Variants in ASAP1 observed in about 807,000 individuals in gnomAD.
ASAP1 encodes the protein ArfGAP with SH3 domain, ankyrin repeat and PH domain 1, also known as arf-GAP with SH3 domain, ANK repeat and PH domain-containing protein 1.
Under a neutral mutation model 145.2 loss-of-function variants are expected in ASAP1, and 43 were observed. The ratio of observed to expected loss-of-function variants is 0.30; its 90% CI spans 0.23 to 0.38. ASAP1 has a LOEUF of 0.38. Among genes scored for constraint, ASAP1 ranks in the 10% least tolerant of loss-of-function variants. The pLI, the probability that ASAP1 is intolerant of heterozygous loss-of-function variation, is 1.00. For synonymous variants in ASAP1, 546 were observed against 515.5 expected (o/e 1.06, Z -0.80); for missense variants, 1,018 against 1,355.3 (o/e 0.75, Z 3.91).
chr8:130,387,655 T>C (rs1828083480), intron 2 of ASAP1, among the ~76,000 whole-genome samples: 1 of 126,866 alleles, frequency 7.9e-6, no homozygotes, highest in African/African-American at 3.2e-5. Context: ...AGACTCCATC[T>C]CAGAAAAAAA....
chr8:130,385,186 C>T (rs1296149436), intron 2 of ASAP1, among the ~76,000 whole-genome samples: 1 of 152,192 alleles, frequency 6.6e-6, no homozygotes, highest in Non-Finnish European at 1.5e-5. Flanking sequence ...CCAAGGCAGG[C>T]CGGGTGTGGT....
chr8:130,265,784 G>A (rs900018156), intron 3 of ASAP1, among the ~76,000 whole-genome samples: 1 of 152,080 alleles, frequency 6.6e-6, no homozygotes, highest in Admixed American at 6.6e-5. Context: ...GACTGAGGTG[G>A]GGATATCATC....
At chr8:130,260,362 C>T (rs1261862216) in intron 3 of ASAP1, among the ~76,000 whole-genome samples, 1 of 152,182 alleles carries the variant, frequency 6.6e-6, no homozygotes, top group Non-Finnish European at 1.5e-5. Context: ...GTTCAGCCTC[C>T]ATGCTAACAA....
chr8:130,140,222 T>C (rs1461189535), intron 13 of ASAP1, among the ~76,000 whole-genome samples: 1 of 151,786 alleles, frequency 6.6e-6, no homozygotes, highest in African/African-American at 2.4e-5. Context: ...TTGGTATTTT[T>C]AGTGGAGACA....
At chr8:130,071,730 C>T (rs2097446997) in intron 27 of ASAP1, among the ~76,000 whole-genome samples, 1 of 152,170 alleles carries the variant, frequency 6.6e-6, no homozygotes, top group Middle Eastern at 3.2e-3. Flanking sequence ...ACCACTCCTG[C>T]TTGTGGAACC....
chr8:130,313,092 G>A (rs1364759352), intron 3 of ASAP1, among the ~76,000 whole-genome samples: 1 of 152,190 alleles, frequency 6.6e-6, no homozygotes, highest in Non-Finnish European at 1.5e-5. Flanking sequence ...AGAATCATAA[G>A]TACATTTTCA....
chr8:130,305,659 C>G (rs1822947908), intron 3 of ASAP1, among the ~76,000 whole-genome samples: 1 of 152,188 alleles, frequency 6.6e-6, no homozygotes, highest in Non-Finnish European at 1.5e-5. Flanking sequence ...CAGGCATGAG[C>G]TACCACTCCC....
intron 9 of ASAP1, 182 bp downstream of exon 9, chr8:130,179,082 C>T: frequency 2.2e-6 from 1 of 454,790 alleles, no homozygotes; most frequent in East Asian, 3.6e-5. Flanking sequence ...ATTTGAGCTA[C>T]TGATTTGTAT....
chr8:130,118,698 AT>A, intron 18 of ASAP1, 23 bp from the exon 19 acceptor site: 1 of 1,400,862 alleles, frequency 7.1e-7, no homozygotes, highest in African/African-American at 1.5e-5. Flanking sequence ...AAAATAAAGA[AT>A]TTTTATTTTC....
rs1565243835 is a variant in ASAP1 at position 130,358,290 on chromosome 8, A to C, written c.60-147T>G. ...CTGGCGCGCGGCTCCCGTCCCCGGC[A>C]GCGGCGAGAGGGAGGGAAGGAGGCG... On this transcript the variant is annotated intron_variant, in intron 2 of 29. Coordinates refer to ENST00000518721, the MANE Select transcript of ASAP1 (RefSeq NM_018482.4). The surrounding 1 kb of genome is among the most constrained non-coding windows in gnomAD (Gnocchi z 4.1). The C allele has an allele frequency of 4.1e-6, 2 of 482,882 alleles. No homozygotes were observed. The highest frequency in any genetic ancestry group is 9.7e-5 in the East Asian group (1 of 10,330). The allele number at this position is 482,882 out of a possible 1,614,324, so 29.9% of individuals were successfully genotyped here.
chr8:130,407,561 T>A (rs16904264), intron 1 of ASAP1, among the ~76,000 whole-genome samples: 16,904 of 152,194 alleles, frequency 0.11, 1,096 homozygotes, highest in South Asian at 0.28. Flanking sequence ...CAACCTCTCA[T>A]TTCCCGCTGC....
At chr8:130,088,416 T>C (rs1213622453) in intron 25 of ASAP1, among the ~76,000 whole-genome samples, 2 of 151,984 alleles carry the variant, frequency 1.3e-5, no homozygotes, top group Non-Finnish European at 1.5e-5. Flanking sequence ...AGAAAATTCA[T>C]GTGGGTCCTA....
intron 25 of ASAP1, among the ~76,000 whole-genome samples, chr8:130,082,571 A>G (rs2097483207): frequency 1.3e-5 from 2 of 148,970 alleles, no homozygotes; most frequent in Non-Finnish European, 3.0e-5. Context: ...TGGCATAATC[A>G]TAGCTCACTG....
At chr8:130,355,544 A>C (rs1826255158) in intron 3 of ASAP1, among the ~76,000 whole-genome samples, 1 of 152,212 alleles carries the variant, frequency 6.6e-6, no homozygotes, top group Non-Finnish European at 1.5e-5. Context: ...AAATAACACA[A>C]GCCACATTCT....
intron 12 of ASAP1, among the ~76,000 whole-genome samples, chr8:130,153,653 C>T (rs1008583840): frequency 1.3e-5 from 2 of 151,868 alleles, no homozygotes; most frequent in African/African-American, 4.8e-5. Flanking sequence ...CAGGTGTGAG[C>T]CACTGTGACT....
At chr8:130,337,547 G>A (rs1825111949) in intron 3 of ASAP1, among the ~76,000 whole-genome samples, 1 of 152,168 alleles carries the variant, frequency 6.6e-6, no homozygotes, top group African/African-American at 2.4e-5. Context: ...ATAATTAACA[G>A]AAAAAAATTG....
At chr8:130,384,573 G>C (rs765366077) in intron 2 of ASAP1, among the ~76,000 whole-genome samples, 1 of 152,160 alleles carries the variant, frequency 6.6e-6, no homozygotes, top group East Asian at 1.9e-4. Context: ...CCCCCTCGCC[G>C]GTTCAAGTGA....
rs1269892182 is a variant in ASAP1, at chr8:130,179,428, C to T, written c.661-79G>A. 4.8e-6 allele frequency: 4 copies of T among 833,250 alleles called. No homozygotes were observed. In the Admixed American group the frequency reaches 8.1e-5, roughly 17 times the overall value. 51.6% of individuals were successfully genotyped at this position (833,250 alleles called of 1,614,324 possible). A position where few individuals can be genotyped will look rare whatever the true frequency, so the allele number is the denominator to read the frequency against. ...GCCATGGGTTCAGGTGGCTGAACAT[C>T]ACCCCTGAATCTGCACAAGTTACCA... On this transcript the variant is annotated intron_variant, in intron 8 of 29. Coordinates refer to ENST00000518721, the MANE Select transcript of ASAP1 (RefSeq NM_018482.4).
chr8:130,068,228 G>C (rs533016339), intron 27 of ASAP1, among the ~76,000 whole-genome samples: 2 of 152,312 alleles, frequency 1.3e-5, no homozygotes, highest in South Asian at 4.1e-4. Flanking sequence ...GTCTATAATG[G>C]CTAAAATAAA....
Sources: gnomAD v4.1 joint callset for allele counts (sites outside exome capture counted in the v4.1 genomes callset) on GRCh38, gnomAD v4.1.1 for gene constraint, Gnocchi (gnomAD v3.1) non-coding constraint, MANE v1.5 for transcripts, NCBI Gene and HGNC (gene_info 2026-07-23, HGNC 2026-07-21) for gene names.